Variants in NCKAP1 observed in about 807,000 individuals in gnomAD.
NCKAP1 encodes the protein NCK associated protein 1, also known as nck-associated protein 1.
A neutral mutation model predicts 151.2 loss-of-function variants in NCKAP1; 21 were observed. The ratio of observed to expected loss-of-function variants is 0.14; its 90% CI spans 0.10 to 0.20. NCKAP1 has a LOEUF of 0.20. NCKAP1 is among the 10% of genes least tolerant of loss of function. NCKAP1 has a pLI of 1.00. For synonymous variants in NCKAP1, 484 were observed against 451.8 expected, an observed-to-expected ratio of 1.07 and a Z score of -0.90; for missense variants, 933 against 1,352.1, an observed-to-expected ratio of 0.69 and a Z score of 4.86.
At chr2:183,017,041 A>G (rs1431828172) in intron 2 of NCKAP1, among the ~76,000 whole-genome samples, 3 of 152,186 alleles carry the variant, frequency 2.0e-5, no homozygotes, top group South Asian at 2.1e-4. Context: ...GGGGAAACAC[A>G]AAAGAGAAAA....
chr2:183,001,178 T>C (rs1164529310), intron 6 of NCKAP1, among the ~76,000 whole-genome samples: 4 of 152,236 alleles, frequency 2.6e-5, no homozygotes, highest in Non-Finnish European at 5.9e-5. Flanking sequence ...AAGATTCTAG[T>C]ATCCTGGGCT....
At chr2:182,967,022 A>C (rs1697586111) in intron 16 of NCKAP1, among the ~76,000 whole-genome samples, 194 bp downstream of exon 16, 1 of 152,244 alleles carries the variant, frequency 6.6e-6, no homozygotes, top group Admixed American at 6.5e-5. Context: ...TAGAGAATTA[A>C]AAACAGACAT....
intron 2 of NCKAP1, among the ~76,000 whole-genome samples, chr2:183,010,235 C>G (rs1698566723): frequency 6.6e-6 from 1 of 152,212 alleles, no homozygotes; most frequent in Non-Finnish European, 1.5e-5. Flanking sequence ...CAGAAAGCAG[C>G]AGAAACAACG....
At chr2:182,928,746 T>C (rs1210127740) in intron 28 of NCKAP1, 37 bp downstream of exon 28, 1 of 1,369,386 alleles carries the variant, frequency 7.3e-7, no homozygotes, top group Middle Eastern at 1.8e-4. Flanking sequence ...AAACCCATGA[T>C]TTATTCATCG....
At chr2:183,003,111 T>C in intron 3 of NCKAP1, 81 bp from the exon 4 acceptor site, 1 of 1,361,906 alleles carries the variant, frequency 7.3e-7, no homozygotes, top group Non-Finnish European at 1.0e-6. Context: ...AAGGTATGTG[T>C]TAAACTTCAG....
At position 182,917,125 on chromosome 2, in the gene NCKAP1, T is replaced by G. The variant is rs905043343; in HGVS notation, c.*8577A>C. 3 of 152,250 alleles carry G rather than the reference T, an allele frequency of 2.0e-5. No homozygotes were observed. Among genetic ancestry groups the G allele is most frequent in the Non-Finnish European group, 4.4e-5 (3 of 68,052 alleles). The allele number at this position is 152,250 out of a possible 1,614,324, so 9.4% of individuals were successfully genotyped here. A position where few individuals can be genotyped will look rare whatever the true frequency, so the allele number is the denominator to read the frequency against. ...ATCTCATCAATTTATACGCATGATC[T>G]TATTTTAATGCTTACAATAGCCCTT... On this transcript the variant is annotated 3_prime_UTR_variant, in exon 31 of 31. Transcript: ENST00000361354.
chr2:183,021,192 T>C (rs979670945), intron 2 of NCKAP1, among the ~76,000 whole-genome samples: 6 of 152,190 alleles, frequency 3.9e-5, no homozygotes, highest in Non-Finnish European at 5.9e-5. Flanking sequence ...CACATAAATG[T>C]TTATAGCAAC....
chr2:182,956,122 AGT>A (rs1178361299), intron 20 of NCKAP1, among the ~76,000 whole-genome samples: 2 of 152,090 alleles, frequency 1.3e-5, no homozygotes, highest in East Asian at 3.9e-4. Context: ...GCTCACTGCA[AGT>A]GTGTCTCCCG....
intron 29 of NCKAP1, 70 bp from the exon 30 acceptor site, chr2:182,926,975 GT>G: frequency 9.8e-7 from 1 of 1,023,212 alleles, no homozygotes; most frequent in Non-Finnish European, 1.5e-6. Context: ...TTTTAGGTAT[GT>G]TTCAACTTCC....
At chr2:182,974,777 T>TG (rs1697771480) in intron 15 of NCKAP1, among the ~76,000 whole-genome samples, 2 of 152,130 alleles carry the variant, frequency 1.3e-5, no homozygotes, top group African/African-American at 4.8e-5. Flanking sequence ...TGGTACTTTG[T>TG]TATGGCAGCC....
intron 20 of NCKAP1, among the ~76,000 whole-genome samples, chr2:182,955,004 G>C (rs1397437715): frequency 6.6e-6 from 1 of 152,042 alleles, no homozygotes; most frequent in East Asian, 1.9e-4. Flanking sequence ...ACCCACTTGA[G>C]AATAATAAAC....
intron 2 of NCKAP1, among the ~76,000 whole-genome samples, chr2:183,008,604 T>C (rs917973998): frequency 1.3e-5 from 2 of 152,180 alleles, no homozygotes; most frequent in Non-Finnish European, 2.9e-5. Flanking sequence ...TTCTTTCTCA[T>C]GTCTGGGGTG....
chr2:182,993,335 T>C (rs1416003642), intron 8 of NCKAP1, among the ~76,000 whole-genome samples: 2 of 152,196 alleles, frequency 1.3e-5, no homozygotes, highest in Non-Finnish European at 2.9e-5. Context: ...ACTGAATCTC[T>C]GGATGCAGAA....
chr2:182,978,681 C>T (rs1697875514), intron 14 of NCKAP1, among the ~76,000 whole-genome samples, 153 bp downstream of exon 14: 1 of 151,962 alleles, frequency 6.6e-6, no homozygotes, highest in African/African-American at 2.4e-5. Context: ...AATAGCATCA[C>T]AAACCCATTT....
chr2:183,019,545 G>A (rs918261724), intron 2 of NCKAP1, among the ~76,000 whole-genome samples: 3 of 152,154 alleles, frequency 2.0e-5, no homozygotes, highest in Admixed American at 6.5e-5. Context: ...AGAAACCTAC[G>A]AGAAACAAAT....
intron 29 of NCKAP1, 167 bp from the exon 30 acceptor site, chr2:182,927,072 T>C (rs139383100): frequency 5.7e-4 from 289 of 509,132 alleles, no homozygotes; most frequent in Middle Eastern, 2.9e-3. Context: ...CAAGCAGTAA[T>C]TTAGAGAGTA....
At chr2:183,027,575 T>C (rs1298300102) in intron 1 of NCKAP1, among the ~76,000 whole-genome samples, 1 of 152,052 alleles carries the variant, frequency 6.6e-6, no homozygotes, top group Admixed American at 6.6e-5. Context: ...AGAAGGCTGA[T>C]TGGGCATGGT....
In NCKAP1 at chr2:183,038,364, G is replaced by T; in HGVS notation, c.-265C>A. 1 of 290,506 alleles carries T rather than the reference G, an allele frequency of 3.4e-6. No homozygotes were observed. Among genetic ancestry groups the T allele is most frequent in the Non-Finnish European group, 6.3e-6 (1 of 158,674 alleles). The allele number at this position is 290,506 out of a possible 1,614,324, so 18.0% of individuals were successfully genotyped here. A position where few individuals can be genotyped will look rare whatever the true frequency, so the allele number is the denominator to read the frequency against. On this transcript the variant is annotated 5_prime_UTR_variant, in exon 1 of 31. Coordinates refer to ENST00000361354, the MANE Select transcript of NCKAP1 (RefSeq NM_013436.5). ...CCGCCCTTCCGCCCCCACCCCCGGC[G>T]CTCTCCGCCCCAGCCCCCAACGAGC...
intron 18 of NCKAP1, 89 bp from the exon 19 acceptor site, chr2:182,957,685 C>T: frequency 7.4e-7 from 1 of 1,351,060 alleles, no homozygotes; most frequent in Non-Finnish European, 1.0e-6. Context: ...TGAATCCAGG[C>T]TGTGTTGCAA....
Sources: allele counts gnomAD v4.1 joint callset (sites outside exome capture counted in the v4.1 genomes callset), GRCh38; gene constraint gnomAD v4.1.1; transcripts MANE v1.5; gene names NCBI Gene and HGNC (gene_info 2026-07-23, HGNC 2026-07-21).